The following CSNK2A2IP variants were observed in gnomAD, a reference collection of about 807,000 sequenced individuals.
CSNK2A2IP encodes casein kinase 2 subunit alpha' interacting protein, also known as casein kinase II subunit alpha'-interacting protein.
chr3:88,465,782 A>G, the CSNK2A2IP span: 1 of 1,231,652 alleles, frequency 8.1e-7, no homozygotes, highest in African/African-American at 1.5e-5. Context: ...TCATCACTGG[A>G]GCTCAATCAA....
At chr3:88,384,199 C>A in the CSNK2A2IP span, among the ~76,000 whole-genome samples, 4 of 151,804 alleles carry the variant, frequency 2.6e-5, no homozygotes, top group African/African-American at 9.7e-5. Context: ...AACCCGGAAA[C>A]AAATACATAA....
At chr3:88,381,132 G>T in the CSNK2A2IP span, among the ~76,000 whole-genome samples, 94 of 152,310 alleles carry the variant, frequency 6.2e-4, no homozygotes, top group Admixed American at 2.0e-3. Flanking sequence ...AGTTAGGGCT[G>T]GGATCTGGTC....
the CSNK2A2IP span, among the ~76,000 whole-genome samples, chr3:88,427,572 G>A: frequency 6.6e-6 from 1 of 152,174 alleles, no homozygotes; most frequent in Admixed American, 6.5e-5. Context: ...TCAGTGCACT[G>A]ATGCTTTGCG....
chr3:88,449,833 A>G, the CSNK2A2IP span, among the ~76,000 whole-genome samples: 1 of 64,182 alleles, frequency 1.6e-5, no homozygotes, highest in Admixed American at 1.4e-4. Context: ...ACACACACAC[A>G]CACACACACA....
At chr3:88,462,983 T>C in the CSNK2A2IP span, among the ~76,000 whole-genome samples, 12,097 of 152,238 alleles carry the variant, frequency 0.079, 842 homozygotes, top group East Asian at 0.21. Context: ...AAGTGAATTA[T>C]GGTACTAATA....
At chr3:88,388,378 T>C in the CSNK2A2IP span, among the ~76,000 whole-genome samples, 1 of 152,204 alleles carries the variant, frequency 6.6e-6, no homozygotes, top group African/African-American at 2.4e-5. Flanking sequence ...TTTCTGCACA[T>C]ATATTATTCA....
chr3:88,355,694 C>A, the CSNK2A2IP span, among the ~76,000 whole-genome samples: 5 of 152,052 alleles, frequency 3.3e-5, no homozygotes, highest in East Asian at 5.8e-4. Flanking sequence ...TTCCAGGGAT[C>A]TTTCTCAATG....
At chr3:88,430,057 G>A in the CSNK2A2IP span, among the ~76,000 whole-genome samples, 5 of 151,960 alleles carry the variant, frequency 3.3e-5, no homozygotes, top group African/African-American at 9.7e-5. Flanking sequence ...CACTGCGCCC[G>A]GCCGAGTAGG....
At chr3:88,380,924 C>T in the CSNK2A2IP span, among the ~76,000 whole-genome samples, 1 of 152,058 alleles carries the variant, frequency 6.6e-6, no homozygotes, top group Non-Finnish European at 1.5e-5. Context: ...TAGTTTATTC[C>T]TGCCAAGGAG....
the CSNK2A2IP span, among the ~76,000 whole-genome samples, chr3:88,445,986 C>A: frequency 3.7e-5 from 5 of 136,460 alleles, no homozygotes; most frequent in Admixed American, 7.5e-5. Context: ...CTCTTTCTTT[C>A]TTTTTTCTTT....
chr3:88,457,900 T>G, the CSNK2A2IP span, among the ~76,000 whole-genome samples: 1 of 151,760 alleles, frequency 6.6e-6, no homozygotes, highest in African/African-American at 2.4e-5. Flanking sequence ...ATTTCTTCTA[T>G]GGGAAGCCTT....
chr3:88,453,847 G>C, the CSNK2A2IP span, among the ~76,000 whole-genome samples: 4 of 152,044 alleles, frequency 2.6e-5, no homozygotes, highest in Non-Finnish European at 4.4e-5. Flanking sequence ...TTTGTCTACT[G>C]ATGGATAGTA....
At chr3:88,417,460 T>A in the CSNK2A2IP span, among the ~76,000 whole-genome samples, 2 of 152,176 alleles carry the variant, frequency 1.3e-5, no homozygotes, top group Admixed American at 6.5e-5. Flanking sequence ...GGGCTAGTGG[T>A]TCAGTGTGTC....
chr3:88,447,237 G>A, the CSNK2A2IP span, among the ~76,000 whole-genome samples: 1 of 152,072 alleles, frequency 6.6e-6, no homozygotes, highest in African/African-American at 2.4e-5. Flanking sequence ...AAATTTAGCT[G>A]ATTTTCAAGT....
At chr3:88,339,283 C>A in the CSNK2A2IP span, among the ~76,000 whole-genome samples, 1 of 151,796 alleles carries the variant, frequency 6.6e-6, no homozygotes, top group Non-Finnish European at 1.5e-5. Context: ...TTTTTAGCTC[C>A]CATATTTGTG....
At chr3:88,424,672 G>C in the CSNK2A2IP span, among the ~76,000 whole-genome samples, 34 of 152,260 alleles carry the variant, frequency 2.2e-4, no homozygotes, top group African/African-American at 7.9e-4. Context: ...TTCAGCTCTT[G>C]TTAGTGAAGT....
chr3:88,393,871 A>C, the CSNK2A2IP span, among the ~76,000 whole-genome samples: 1 of 152,144 alleles, frequency 6.6e-6, no homozygotes, highest in Non-Finnish European at 1.5e-5. Context: ...TGACCAAGAG[A>C]CTGGCAGATA....
chr3:88,349,441 C>T, the CSNK2A2IP span, among the ~76,000 whole-genome samples: 1 of 152,046 alleles, frequency 6.6e-6, no homozygotes, highest in African/African-American at 2.4e-5. Flanking sequence ...CAGTTCCATC[C>T]AAGTTTCTGC....
the CSNK2A2IP span, chr3:88,399,671 C>A: frequency 1.6e-4 from 24 of 152,274 alleles, no homozygotes; most frequent in African/African-American, 5.5e-4. Context: ...CTTCTTCCTC[C>A]GCAAACTAAA....
Sources: allele counts gnomAD v4.1 joint callset (sites outside exome capture counted in the v4.1 genomes callset), GRCh38; gene constraint gnomAD v4.1.1; transcripts MANE v1.5; gene names NCBI Gene and HGNC (gene_info 2026-07-23, HGNC 2026-07-21).